The following TRAIP variants were observed in gnomAD, a reference collection of about 807,000 sequenced individuals.
The protein encoded by TRAIP is E3 ubiquitin-protein ligase TRAIP.
TRAIP carries 37 observed loss-of-function variants against 65.0 expected under a neutral mutation model. The observed-to-expected ratio is 0.57, with a 90% CI of 0.44 to 0.75. The LOEUF is 0.75. TRAIP is among the 30% of genes least tolerant of loss of function. The pLI, the probability that TRAIP is intolerant of heterozygous loss-of-function variation, is 0.00. For missense variants in TRAIP, 481 were observed against 579.4 expected (o/e 0.83, Z 1.74); for synonymous variants, 187 against 219.1 (o/e 0.85, Z 1.29).
intron 1 of TRAIP, among the ~76,000 whole-genome samples, chr3:49,849,851 T>C (rs1271186082): frequency 7.1e-6 from 1 of 141,104 alleles, no homozygotes; most frequent in African/African-American, 2.7e-5. Flanking sequence ...TTTTTTTTTT[T>C]TTTTTTTTTT....
intron 9 of TRAIP, 95 bp from the exon 10 acceptor site, chr3:49,839,955 C>T (rs893017151): frequency 3.0e-5 from 39 of 1,290,276 alleles, no homozygotes; most frequent in Non-Finnish European, 4.4e-5. Flanking sequence ...GAAAGGCCAG[C>T]CCACTGGGAA....
At position 49,829,808 on chromosome 3, in the gene TRAIP, T is replaced by C. The variant is rs757672200; in HGVS notation, c.1087-42A>G. ...AGGGCCAGACTTGATGAGCTGGATG[T>C]CAGCAAAGGAGGGAGGGTAGTGGTG... On this transcript the variant is annotated intron_variant, in intron 12 of 14. Coordinates refer to ENST00000331456, the MANE Select transcript of TRAIP (RefSeq NM_005879.3). The C allele has an allele frequency of 1.4e-5, 22 of 1,611,486 alleles. 1 individual carries two copies. The highest frequency in any genetic ancestry group is 3.3e-4 in the Middle Eastern group (2 of 6,068).
chr3:49,847,806 G>A (rs1575398244), intron 2 of TRAIP, among the ~76,000 whole-genome samples, 198 bp from the exon 3 acceptor site: 3 of 151,998 alleles, frequency 2.0e-5, no homozygotes, highest in Admixed American at 6.5e-5. Context: ...TGCTGGTTTC[G>A]TGGTCACTGA....
At chr3:49,839,437 A>C (rs566668200) in intron 10 of TRAIP, among the ~76,000 whole-genome samples, 2 of 152,166 alleles carry the variant, frequency 1.3e-5, no homozygotes, top group East Asian at 3.9e-4. Flanking sequence ...TAAGGGAATT[A>C]TTTTACAGTG....
chr3:49,834,760 C>T (rs1267323099), intron 10 of TRAIP, among the ~76,000 whole-genome samples: 1 of 152,156 alleles, frequency 6.6e-6, no homozygotes. Flanking sequence ...CCAAGGACCA[C>T]CAGGTATGGG....
intron 4 of TRAIP, 196 bp from the exon 5 acceptor site, chr3:49,844,124 A>G: frequency 1.4e-6 from 1 of 691,388 alleles, no homozygotes; most frequent in Admixed American, 3.0e-5. Context: ...CATTCAGGGA[A>G]AAGCCCACCT....
At chr3:49,847,408 A>AAGAAAAG in intron 3 of TRAIP, 117 bp downstream of exon 3, 2 of 747,012 alleles carry the variant, frequency 2.7e-6, no homozygotes, top group South Asian at 1.8e-5. Context: ...AAGAAAAGAA[A>AAGAAAAG]AGAAAAGAGA....
At position 49,841,003 on chromosome 3, in the gene TRAIP, C is replaced by T. The variant is rs967198245; in HGVS notation, c.687G>A (p.Leu229=). The part of the protein sequence containing the change: ...GEVADKLRKD[L]FSSRSKLQTV... Reference sequence around the variant, plus strand: ...AAGTTACCTTGCTTCTGGAGGAAAACAAATCCTTCCTCAGCTTGTCAGCCA... The same window carrying T: ...AAGTTACCTTGCTTCTGGAGGAAAATAAATCCTTCCTCAGCTTGTCAGCCA... The change falls in exon 8 of 15, where the codon TTG becomes TTA. Residue 229 remains leucine (L), a synonymous_variant. Coordinates refer to ENST00000331456, the MANE Select transcript of TRAIP (RefSeq NM_005879.3). 3 of 1,614,182 alleles carry T rather than the reference C, an allele frequency of 1.9e-6. No homozygotes were observed. The highest frequency in any genetic ancestry group is 1.7e-5 in the Admixed American group (1 of 60,026).
intron 10 of TRAIP, 98 bp from the exon 11 acceptor site, chr3:49,832,166 G>T: frequency 7.4e-7 from 1 of 1,359,640 alleles, no homozygotes; most frequent in Non-Finnish European, 9.6e-7. Flanking sequence ...GGGACCTGGA[G>T]CCCACTCCTG....
intron 5 of TRAIP, 52 bp from the exon 6 acceptor site, chr3:49,842,599 T>C: frequency 6.5e-7 from 1 of 1,543,422 alleles, no homozygotes; most frequent in Non-Finnish European, 8.9e-7. Flanking sequence ...CAGGAGCCAT[T>C]GCTAAAGTCA....
intron 10 of TRAIP, among the ~76,000 whole-genome samples, chr3:49,832,726 G>A (rs1411937809): frequency 7.2e-6 from 1 of 139,130 alleles, no homozygotes; most frequent in Admixed American, 7.1e-5. Flanking sequence ...GTGGGGGGTG[G>A]GGAGTGAAGT....
chr3:49,855,063 CAAAAT>C (rs1471345675), intron 1 of TRAIP, among the ~76,000 whole-genome samples: 1 of 151,390 alleles, frequency 6.6e-6, no homozygotes, highest in Non-Finnish European at 1.5e-5. Context: ...GACCCTGTCT[CAAAAT>C]AAAATAAAAT....
chr3:49,829,610 C>T lies in TRAIP; in HGVS notation c.1236+7G>A, dbSNP rs888393536. 2.5e-6 allele frequency: 4 copies of T among 1,614,204 alleles called. No individual in the cohort carries two copies. The highest frequency in any genetic ancestry group is 3.4e-6 in the Non-Finnish European group (4 of 1,180,024). On this transcript the variant is annotated splice_region_variant and intron_variant, in intron 13 of 14. Coordinates refer to ENST00000331456, the MANE Select transcript of TRAIP (RefSeq NM_005879.3). ...TGGCTCCTGCCACTGTGGGAAGCCA[C>T]ACTCACCACATCTTTGCTGCAAGAG...
At chr3:49,852,240 G>A (rs1404574106) in intron 1 of TRAIP, among the ~76,000 whole-genome samples, 2 of 151,400 alleles carry the variant, frequency 1.3e-5, no homozygotes, top group South Asian at 2.1e-4. Context: ...GGTGGCGAGC[G>A]CCTGTAATCC....
At chr3:49,842,333 C>T in intron 6 of TRAIP, 120 bp downstream of exon 6, 1 of 953,786 alleles carries the variant, frequency 1.0e-6, no homozygotes, top group Non-Finnish European at 1.6e-6. Context: ...CCCTCCATGG[C>T]CTATGGAGAT....
chr3:49,831,626 C>T (rs1026519772), intron 11 of TRAIP, among the ~76,000 whole-genome samples: 3 of 152,234 alleles, frequency 2.0e-5, no homozygotes, highest in African/African-American at 7.2e-5. Context: ...TGGGAGCACC[C>T]TCTCCAGCCC....
At chr3:49,832,492 G>A (rs60198058) in intron 10 of TRAIP, among the ~76,000 whole-genome samples, 63,660 of 128,064 alleles carry the variant, frequency 0.5, 15,232 homozygotes, top group African/African-American at 0.54. Context: ...TCCGTCTCAG[G>A]AAAAAAAAAA....
chr3:49,830,848 G>C (rs2081725268), intron 11 of TRAIP, among the ~76,000 whole-genome samples: 2 of 152,222 alleles, frequency 1.3e-5, no homozygotes, highest in African/African-American at 4.8e-5. Context: ...CTAACGGCCT[G>C]TGGTAAGGCT....
At chr3:49,840,582 T>C (rs938073102) in intron 8 of TRAIP, 11 of 578,842 alleles carry the variant, frequency 1.9e-5, no homozygotes, top group Non-Finnish European at 3.1e-5. Flanking sequence ...TCCTGCAGCC[T>C]GTGGATGCAC....
Sources: allele counts gnomAD v4.1 joint callset (sites outside exome capture counted in the v4.1 genomes callset), GRCh38; gene constraint gnomAD v4.1.1; transcripts MANE v1.5; gene names NCBI Gene and HGNC (gene_info 2026-07-23, HGNC 2026-07-21).